Variants in STK3 observed in about 807,000 individuals in gnomAD.
STK3 encodes serine/threonine kinase 3.
STK3 carries 41 observed loss-of-function variants against 58.0 expected under a neutral mutation model. The ratio of observed to expected loss-of-function variants is 0.71; its 90% CI spans 0.55 to 0.92. The LOEUF (loss-of-function observed/expected upper bound fraction) is 0.92. STK3 is among the 40% of genes least tolerant of loss of function. The pLI, the probability that STK3 is intolerant of heterozygous loss-of-function variation, is 0.00. For missense variants in STK3, 479 were observed against 602.7 expected (o/e 0.79, Z 2.15); for synonymous variants, 170 against 191.0 (o/e 0.89, Z 0.91).
rs574080022 is a variant in STK3 at position 98,924,352 on chromosome 8, T to C, written c.-79+18026A>G. On this transcript the variant is annotated intron_variant, in intron 1 of 1. Coordinates refer to the STK3 transcript ENST00000519420. ...TTACCCTAACTGGTTATATAAAGGC[T>C]TTATGTACACAGGAAAAAGAAATGA... 5.3e-5 allele frequency among the ~76,000 whole-genome samples: 8 copies of C among 152,322 alleles called. 1 individual carries two copies. In the South Asian group the frequency reaches 1.7e-3, roughly 32 times the overall value.
chr8:98,736,991 T>A (rs1032513819), intron 4 of STK3, among the ~76,000 whole-genome samples: 1 of 152,186 alleles, frequency 6.6e-6, no homozygotes, highest in African/African-American at 2.4e-5. Flanking sequence ...AAAGTTAAGG[T>A]CTCACATCAG....
intron 1 of STK3, among the ~76,000 whole-genome samples, chr8:98,911,516 G>A (rs188871401): frequency 3.6e-4 from 55 of 151,934 alleles, no homozygotes; most frequent in Middle Eastern, 3.4e-3. Context: ...CCTCAGCCTC[G>A]CAAGTAGCTG....
chr8:98,890,055 GTCCAGCATTTTCATTT>G (rs915135551), intron 1 of STK3, among the ~76,000 whole-genome samples: 1 of 152,190 alleles, frequency 6.6e-6, no homozygotes, highest in Admixed American at 6.5e-5. Flanking sequence ...GCACTGCCTG[GTCCAGCATTTTCATTT>G]TCCCACTGAG....
intron 4 of STK3, among the ~76,000 whole-genome samples, chr8:98,712,444 C>A (rs372385460): frequency 6.6e-6 from 1 of 151,608 alleles, no homozygotes; most frequent in Non-Finnish European, 1.5e-5. Context: ...GGAAGATCTA[C>A]CAAGCAAATG....
intron 1 of STK3, among the ~76,000 whole-genome samples, chr8:98,807,407 C>A (rs1489191098): frequency 6.6e-6 from 1 of 152,124 alleles, no homozygotes; most frequent in East Asian, 1.9e-4. Context: ...CAGAAGCACA[C>A]TACCATGCTC....
chr8:98,475,490 T>C (rs1021080196), intron 10 of STK3, among the ~76,000 whole-genome samples: 1 of 152,178 alleles, frequency 6.6e-6, no homozygotes, highest in Non-Finnish European at 1.5e-5. Context: ...TGAAGACTAG[T>C]TTTTTAGAAA....
At chr8:98,758,300 C>A (rs759940789) in intron 3 of STK3, among the ~76,000 whole-genome samples, 1 of 152,138 alleles carries the variant, frequency 6.6e-6, no homozygotes, top group Non-Finnish European at 1.5e-5. Flanking sequence ...ACTCATTCTA[C>A]GAGGCCAGCA....
intron 8 of STK3, among the ~76,000 whole-genome samples, chr8:98,572,631 AG>A (rs1326693787): frequency 6.6e-6 from 1 of 152,218 alleles, no homozygotes; most frequent in Non-Finnish European, 1.5e-5. Context: ...ATGGCAATGT[AG>A]GATATACATT....
intron 1 of STK3, among the ~76,000 whole-genome samples, chr8:98,776,752 T>C (rs983439240): frequency 7.8e-6 from 1 of 128,166 alleles, no homozygotes; most frequent in African/African-American, 2.9e-5. Flanking sequence ...TATGTCAAGA[T>C]AAAAAAAAAA....
At chr8:98,941,746 C>G (rs979678920) in intron 1 of STK3, among the ~76,000 whole-genome samples, 14 of 152,348 alleles carry the variant, frequency 9.2e-5, no homozygotes, top group African/African-American at 2.9e-4. Context: ...GCCTTCATCC[C>G]GGCCTCCCGG....
chr8:98,598,191 G>A, intron 6 of STK3: 1 of 985,272 alleles, frequency 1.0e-6, no homozygotes, highest in South Asian at 4.7e-5. Context: ...AATGATTTAT[G>A]TCCTTGAAGC....
chr8:98,572,878 G>C (rs1397984760), intron 8 of STK3, among the ~76,000 whole-genome samples: 3 of 151,962 alleles, frequency 2.0e-5, no homozygotes, highest in African/African-American at 7.2e-5. Context: ...AAGACTATAA[G>C]AGTTTTACCC....
chr8:98,916,618 C>T (rs1030310580), intron 1 of STK3, among the ~76,000 whole-genome samples: 2 of 152,064 alleles, frequency 1.3e-5, no homozygotes, highest in Non-Finnish European at 2.9e-5. Context: ...ATTGAGAGGA[C>T]CACATGACCA....
At chr8:98,779,136 C>T (rs181387971) in intron 1 of STK3, among the ~76,000 whole-genome samples, 5 of 151,886 alleles carry the variant, frequency 3.3e-5, no homozygotes, top group Admixed American at 6.6e-5. Flanking sequence ...GATGTTTCTT[C>T]TCAACTAAAA....
intron 10 of STK3, among the ~76,000 whole-genome samples, chr8:98,491,970 CA>C: frequency 6.6e-6 from 1 of 152,172 alleles, no homozygotes; most frequent in East Asian, 1.9e-4. Flanking sequence ...AGGCAGCACT[CA>C]AATGTACACC....
At chr8:98,353,049 A>T in the STK3 span, among the ~76,000 whole-genome samples, 7 of 152,230 alleles carry the variant, frequency 4.6e-5, no homozygotes, top group Non-Finnish European at 8.8e-5. Flanking sequence ...GCAACCACTG[A>T]TTGTCCATAT....
downstream of STK3, among the ~76,000 whole-genome samples, chr8:98,452,793 C>T (rs1463263369): frequency 7.2e-6 from 1 of 139,466 alleles, no homozygotes; most frequent in Non-Finnish European, 1.5e-5. Flanking sequence ...CAAAGCCTTA[C>T]TCTGTTGCCC....
chr8:98,585,799 A>G (rs1814505083), intron 7 of STK3, among the ~76,000 whole-genome samples: 1 of 151,956 alleles, frequency 6.6e-6, no homozygotes, highest in Non-Finnish European at 1.5e-5. Flanking sequence ...TTCTCCTTGA[A>G]GAGGTCCTTC....
chr8:98,633,650 A>T, intron 6 of STK3: 2 of 716,028 alleles, frequency 2.8e-6, no homozygotes, highest in Middle Eastern at 3.8e-4. Flanking sequence ...TTAATAAGGA[A>T]CTTGATCCTG....
Sources: allele counts gnomAD v4.1 joint callset (sites outside exome capture counted in the v4.1 genomes callset), GRCh38; gene constraint gnomAD v4.1.1; transcripts MANE v1.5; gene names NCBI Gene and HGNC (gene_info 2026-07-23, HGNC 2026-07-21).